The following HFM1 variants were observed in gnomAD, a reference collection of about 807,000 sequenced individuals.
HFM1 encodes the protein probable ATP-dependent DNA helicase HFM1.
Under a neutral mutation model 192.1 loss-of-function variants are expected in HFM1, and 169 were observed. That is an observed-to-expected ratio of 0.88 (90% CI 0.78 to 1.00). HFM1 has a LOEUF of 1.00. HFM1 is among the 50% of genes least tolerant of loss of function. The pLI, the probability that HFM1 is intolerant of heterozygous loss-of-function variation, is 0.00. For missense variants in HFM1, 1,661 were observed against 1,668.0 expected, an observed-to-expected ratio of 1.00 and a Z score of 0.07; for synonymous variants, 525 against 537.8, an observed-to-expected ratio of 0.98 and a Z score of 0.33.
chr1:91,302,486 A>G (rs981223391), intron 30 of HFM1, among the ~76,000 whole-genome samples: 15 of 152,182 alleles, frequency 9.9e-5, no homozygotes, highest in African/African-American at 3.6e-4. Context: ...ATGCACACGT[A>G]TGTTTATTGT....
chr1:91,400,411 T>G (rs1026373184), intron 2 of HFM1, among the ~76,000 whole-genome samples: 1 of 152,220 alleles, frequency 6.6e-6, no homozygotes, highest in African/African-American at 2.4e-5. Context: ...ATTTCCCATC[T>G]TTAGCTTGGC....
In HFM1 at chr1:91,262,250, A is replaced by C; in HGVS notation, c.4229T>G (p.Val1410Gly). ...FIRNSECKKE[V>G]DFSMYHPDDE... ...TTTAAAGAGTTCTTACCTGAAATCAACTTCCTTTTTACATTCACTGTTTCT... is the reference window on the plus strand; with the variant it reads ...TTTAAAGAGTTCTTACCTGAAATCACCTTCCTTTTTACATTCACTGTTTCT... The change falls in exon 38 of 39, where the codon GTT (valine) becomes GGT (glycine). Residue 1410 changes from valine to glycine, a missense_variant. Transcript: ENST00000370425. The C allele has an allele frequency of 1.5e-6, 2 of 1,367,292 alleles. No individual in the cohort carries two copies. The highest frequency in any genetic ancestry group is 1.3e-5 in the South Asian group (1 of 74,618). The allele number at this position is 1,367,292 out of a possible 1,614,324, so 84.7% of individuals were successfully genotyped here.
At chr1:91,375,027 A>C (rs1175362147) in intron 13 of HFM1, among the ~76,000 whole-genome samples, 1 of 152,148 alleles carries the variant, frequency 6.6e-6, no homozygotes, top group Non-Finnish European at 1.5e-5. Flanking sequence ...AGAGTGTTTA[A>C]GTAAGGTGGA....
chr1:91,344,703 T>C (rs1655885595), intron 19 of HFM1, among the ~76,000 whole-genome samples: 1 of 151,462 alleles, frequency 6.6e-6, no homozygotes, highest in African/African-American at 2.4e-5. Context: ...TATCTTTATT[T>C]CCTTTCCTTT....
At chr1:91,364,714 G>C (rs1659042046) in intron 13 of HFM1, among the ~76,000 whole-genome samples, 1 of 142,138 alleles carries the variant, frequency 7.0e-6, no homozygotes, top group South Asian at 2.2e-4. Context: ...CTTACTGCAA[G>C]CTCTGCCCCC....
chr1:91,267,380 G>C (rs1665863504), intron 35 of HFM1, among the ~76,000 whole-genome samples: 1 of 151,940 alleles, frequency 6.6e-6, no homozygotes, highest in Middle Eastern at 3.4e-3. Flanking sequence ...GTATTTTTTT[G>C]TTCTTCACAA....
chr1:91,326,272 A>C (rs1296904459), intron 20 of HFM1, among the ~76,000 whole-genome samples: 1 of 152,184 alleles, frequency 6.6e-6, no homozygotes, highest in Non-Finnish European at 1.5e-5. Flanking sequence ...AGGTTATAGA[A>C]TACCAAGCAG....
chr1:91,266,734 A>G (rs1665805570), intron 35 of HFM1, among the ~76,000 whole-genome samples: 1 of 152,208 alleles, frequency 6.6e-6, no homozygotes, highest in African/African-American at 2.4e-5. Context: ...TCAAAGGATC[A>G]GTACACATTG....
intron 13 of HFM1, among the ~76,000 whole-genome samples, chr1:91,372,298 T>C (rs377412994): frequency 2.9e-4 from 44 of 152,326 alleles, no homozygotes; most frequent in African/African-American, 6.5e-4. Flanking sequence ...CGTGTGTTTA[T>C]TGAGGCACTA....
intron 19 of HFM1, 124 bp downstream of exon 19, chr1:91,347,305 T>G (rs1366610593): frequency 1.4e-5 from 7 of 486,966 alleles, no homozygotes; most frequent in Non-Finnish European, 2.5e-5. Context: ...GTTCACATTA[T>G]TTTTCTGCAG....
At chr1:91,340,330 A>T (rs1286694232) in intron 20 of HFM1, among the ~76,000 whole-genome samples, 1 of 152,220 alleles carries the variant, frequency 6.6e-6, no homozygotes, top group Non-Finnish European at 1.5e-5. Flanking sequence ...TAAAGAAAAG[A>T]AACTCCAACC....
At chr1:91,275,034 G>T (rs1273047443) in intron 32 of HFM1, among the ~76,000 whole-genome samples, 2 of 148,476 alleles carry the variant, frequency 1.3e-5, no homozygotes, top group African/African-American at 5.0e-5. Flanking sequence ...ACCCAGGCTG[G>T]AGTGCAGTGG....
intron 36 of HFM1, among the ~76,000 whole-genome samples, chr1:91,264,213 C>G (rs1292098640): frequency 6.6e-6 from 1 of 151,926 alleles, no homozygotes; most frequent in African/African-American, 2.4e-5. Flanking sequence ...AATGATGATT[C>G]AAAGATCCAG....
At chr1:91,325,027 A>G (rs895087580) in intron 20 of HFM1, among the ~76,000 whole-genome samples, 5 of 152,306 alleles carry the variant, frequency 3.3e-5, no homozygotes, top group African/African-American at 1.2e-4. Flanking sequence ...TGGGTAGAGC[A>G]ACAAGGAGGC....
chr1:91,310,250 AT>A (rs891533703), intron 30 of HFM1, among the ~76,000 whole-genome samples: 1 of 152,226 alleles, frequency 6.6e-6, no homozygotes, highest in East Asian at 1.9e-4. Flanking sequence ...TACAGAGGAA[AT>A]AATACGATAT....
intron 13 of HFM1, among the ~76,000 whole-genome samples, chr1:91,361,613 C>A (rs138916510): frequency 4.5e-4 from 68 of 152,314 alleles, no homozygotes; most frequent in African/African-American, 1.6e-3. Context: ...CAGCTAAATT[C>A]TACCATGGGT....
chr1:91,323,103 T>C lies in HFM1; in HGVS notation c.2524A>G (p.Ile842Val), dbSNP rs1652379309. 8 of 1,538,924 alleles carry C rather than the reference T, an allele frequency of 5.2e-6. No homozygotes were observed. The highest frequency in any genetic ancestry group is 1.4e-5 in the African/African-American group (1 of 73,082). Residue 842 changes from isoleucine (I) to valine (V), a missense_variant, in exon 22 of 39, where the codon ATA becomes GTA. Ile to Val is a conservative substitution (Grantham distance 29). Transcript: ENST00000370425. Reference protein sequence around the residue: ...LNTLNKDPNRITIRFPMEGRI... With the variant: ...LNTLNKDPNRVTIRFPMEGRI... ...ATGTAATTTCTGTACCTGATAGTTA[T>C]CCGATTTGGATCTTTGTTCAAAGTA...
At chr1:91,357,677 GACA>G (rs777316974) in intron 13 of HFM1, among the ~76,000 whole-genome samples, 5 of 152,104 alleles carry the variant, frequency 3.3e-5, no homozygotes, top group Non-Finnish European at 5.9e-5. Context: ...TTTATTTGCA[GACA>G]ACATTATCTT....
upstream of HFM1, among the ~76,000 whole-genome samples, chr1:91,406,786 G>GA (rs901610100): frequency 3.3e-5 from 5 of 152,100 alleles, no homozygotes; most frequent in African/African-American, 1.2e-4. Flanking sequence ...GAAAATTCTA[G>GA]AAAAATGACT....
Sources: allele counts gnomAD v4.1 joint callset (sites outside exome capture counted in the v4.1 genomes callset), GRCh38; gene constraint gnomAD v4.1.1; transcripts MANE v1.5; gene names NCBI Gene and HGNC (gene_info 2026-07-23, HGNC 2026-07-21).